CCDC39: variants seen among roughly 807,000 people sequenced by gnomAD.
The protein encoded by CCDC39 is coiled-coil domain-containing protein 39.
CCDC39 carries 113 observed loss-of-function variants against 121.0 expected under a neutral mutation model. The observed-to-expected ratio is 0.93, with a 90% CI of 0.80 to 1.09. The LOEUF (loss-of-function observed/expected upper bound fraction) is 1.09. Among genes scored for constraint, CCDC39 ranks in the 50% least tolerant of loss-of-function variants. The pLI is 0.00. For synonymous variants in CCDC39, 349 were observed against 352.2 expected, an observed-to-expected ratio of 0.99 and a Z score of 0.10; for missense variants, 1,063 against 1,074.7, an observed-to-expected ratio of 0.99 and a Z score of 0.15.
At chr3:180,674,908 G>A (rs189847195) in intron 1 of CCDC39, among the ~76,000 whole-genome samples, 2 of 152,246 alleles carry the variant, frequency 1.3e-5, no homozygotes, top group Admixed American at 1.3e-4. Context: ...TTTTTGCATC[G>A]ATGTTCATCA....
intron 13 of CCDC39, among the ~76,000 whole-genome samples, chr3:180,638,739 GAA>G (rs1314529343): frequency 2.6e-5 from 4 of 152,022 alleles, no homozygotes; most frequent in African/African-American, 9.7e-5. Flanking sequence ...TATTCATAGA[GAA>G]ATGATTAAAG....
chr3:180,673,393 C>T (rs934133303), intron 1 of CCDC39, among the ~76,000 whole-genome samples: 3 of 152,184 alleles, frequency 2.0e-5, no homozygotes, highest in African/African-American at 7.2e-5. Context: ...TCAGCCACCA[C>T]CTTGATCAGT....
Position 180,648,275 on chromosome 3 carries a change from C to T in CCDC39, c.1252G>A (p.Ala418Thr). 1 of 1,613,126 alleles carries T rather than the reference C, an allele frequency of 6.2e-7. No individual in the cohort carries two copies. The highest frequency in any genetic ancestry group is 8.5e-7 in the Non-Finnish European group (1 of 1,179,492). Residue 418 changes from alanine to threonine, a missense_variant, in exon 10 of 20, where the codon GCT becomes ACT. Transcript: ENST00000476379. ...ELQTETMKEK[A>T]VLSEIEGTRS... ...GTTCCTTCAATTTCTGATAAAACAG[C>T]TTTTTCTTTCATTGTCTCAGTCTGT...
rs538986399 is a variant in CCDC39 at position 180,647,278 on chromosome 3, GA to G, written c.1363-36del. On this transcript the variant is annotated intron_variant, in intron 10 of 19. Coordinates refer to ENST00000476379, the MANE Select transcript of CCDC39 (RefSeq NM_181426.2). ...TTTAAAAAAAAAAAGGTATTACAAA[GA>G]AAAAAAAAGCATTTCTACAAGTGTA... The G allele has an allele frequency of 8.5e-5, 122 of 1,437,210 alleles. 1 individual carries two copies. In the East Asian group the frequency reaches 9.4e-4, roughly 11 times the overall value. 89.0% of individuals were successfully genotyped at this position (1,437,210 alleles called of 1,614,324 possible).
At chr3:180,625,716 G>C (rs1717543457) in intron 14 of CCDC39, among the ~76,000 whole-genome samples, 1 of 151,960 alleles carries the variant, frequency 6.6e-6, no homozygotes, top group Non-Finnish European at 1.5e-5. Flanking sequence ...GTGGTAGTGT[G>C]GTCTTTGTAT....
chr3:180,647,134 A>G lies in CCDC39; in HGVS notation c.1472T>C (p.Leu491Ser). ...EAKIVELRKS[L>S]EEKKSTCGLL... ...GCCACATGTAGATTTTTTCTCTTCCAAAGACTTCCTAAGTTCAACAATTTT... is the reference window on the plus strand; with the variant it reads ...GCCACATGTAGATTTTTTCTCTTCCGAAGACTTCCTAAGTTCAACAATTTT... Residue 491 changes from leucine to serine, a missense_variant, in exon 11 of 20, where the codon TTG becomes TCG. Coordinates refer to ENST00000476379, the MANE Select transcript of CCDC39 (RefSeq NM_181426.2). 6.2e-7 allele frequency: 1 copy of G among 1,611,364 alleles called. No individual in the cohort carries two copies. The highest frequency in any genetic ancestry group is 1.1e-5 in the South Asian group (1 of 90,132).
intron 1 of CCDC39, among the ~76,000 whole-genome samples, chr3:180,665,675 A>C (rs939828054): frequency 6.6e-6 from 1 of 151,908 alleles, no homozygotes; most frequent in East Asian, 1.9e-4. Flanking sequence ...TCTTTAAATA[A>C]AATTTTTGCC....
chr3:180,662,808 T>C (rs1711775119), intron 2 of CCDC39, among the ~76,000 whole-genome samples: 1 of 152,198 alleles, frequency 6.6e-6, no homozygotes, highest in Non-Finnish European at 1.5e-5. Context: ...GACTTGTAAG[T>C]CATGAAATAC....
chr3:180,656,219 T>G (rs1243309798), intron 6 of CCDC39, among the ~76,000 whole-genome samples: 1 of 152,246 alleles, frequency 6.6e-6, no homozygotes, highest in Admixed American at 6.5e-5. Context: ...GTTTCTTGCC[T>G]TATGATTTTT....
chr3:180,651,906 G>A (rs778132226), intron 8 of CCDC39, among the ~76,000 whole-genome samples: 15 of 151,928 alleles, frequency 9.9e-5, no homozygotes, highest in South Asian at 2.1e-4. Context: ...GCCTGCTGGC[G>A]GGCACCTGTA....
At chr3:180,617,460 G>T (rs778092571) in intron 16 of CCDC39, 25 of 688,110 alleles carry the variant, frequency 3.6e-5, no homozygotes, top group South Asian at 2.8e-4. Flanking sequence ...AGAGGGCATT[G>T]TTATCATAGA....
rs577913587 is a variant in CCDC39, at chr3:180,659,372, G to T, written c.738+80C>A. 1.3e-4 allele frequency: 204 copies of T among 1,532,388 alleles called. 2 individuals carry two copies. The South Asian group carries it at 2.3e-3, about 17-fold the overall frequency. 94.9% of individuals were successfully genotyped at this position (1,532,388 alleles called of 1,614,324 possible). A position where few individuals can be genotyped will look rare whatever the true frequency, so the allele number is the denominator to read the frequency against. ...AAAAGTGACTTTCAAATAACAATGTGATTTACATTTGGAATAATGAGTTAA... is the reference window on the plus strand; with the variant it reads ...AAAAGTGACTTTCAAATAACAATGTTATTTACATTTGGAATAATGAGTTAA... On this transcript the variant is annotated intron_variant, in intron 6 of 19. Transcript: ENST00000476379.
Position 180,652,270 on chromosome 3 carries a change from T to C in CCDC39, c.931-4A>G, listed in dbSNP as rs1711503044. ...CAGTGGCTTTTAAAGAATCCAGCTA[T>C]TTATTAGTTAACAGACAGAAATTAT... On this transcript the variant is annotated splice_region_variant and splice_polypyrimidine_tract_variant and intron_variant, in intron 7 of 19. Coordinates refer to ENST00000476379, the MANE Select transcript of CCDC39 (RefSeq NM_181426.2). 1 of 1,461,948 alleles carries C rather than the reference T, an allele frequency of 6.8e-7. No homozygotes were observed. Among genetic ancestry groups the C allele is most frequent in the Middle Eastern group, 1.8e-4 (1 of 5,470 alleles). 90.6% of individuals were successfully genotyped at this position (1,461,948 alleles called of 1,614,324 possible).
chr3:180,640,118 T>C (rs887935202), intron 13 of CCDC39, among the ~76,000 whole-genome samples: 1 of 151,858 alleles, frequency 6.6e-6, no homozygotes, highest in African/African-American at 2.4e-5. Flanking sequence ...CTTGTGGGGG[T>C]GATGGATACA....
intron 5 of CCDC39, 27 bp downstream of exon 5, chr3:180,659,650 A>C: frequency 6.2e-7 from 1 of 1,604,086 alleles, no homozygotes; most frequent in Non-Finnish European, 8.5e-7. Context: ...TTGAAAATTA[A>C]GAAATAAAAA....
intron 15 of CCDC39, 81 bp from the exon 16 acceptor site, chr3:180,619,446 A>C: frequency 1.4e-6 from 1 of 739,752 alleles, no homozygotes. Flanking sequence ...AAATTGCACC[A>C]ATATTTTTGT....
At chr3:180,627,640 T>G (rs773277181) in intron 14 of CCDC39, among the ~76,000 whole-genome samples, 23 of 152,222 alleles carry the variant, frequency 1.5e-4, no homozygotes, top group Non-Finnish European at 2.6e-4. Context: ...TAAGAGGAAC[T>G]TGGAAATGAG....
chr3:180,643,955 C>T (rs1718015350), intron 12 of CCDC39, among the ~76,000 whole-genome samples, 165 bp downstream of exon 12: 1 of 152,036 alleles, frequency 6.6e-6, no homozygotes, highest in Non-Finnish European at 1.5e-5. Flanking sequence ...AGCCAAATTT[C>T]TTTACAAGAC....
chr3:180,651,112 T>C (rs901997345), intron 9 of CCDC39, among the ~76,000 whole-genome samples: 1 of 151,980 alleles, frequency 6.6e-6, no homozygotes, highest in Non-Finnish European at 1.5e-5. Flanking sequence ...GGAGAATCGC[T>C]TGAACTTGGG....
Sources: allele counts gnomAD v4.1 joint callset (sites outside exome capture counted in the v4.1 genomes callset), GRCh38; gene constraint gnomAD v4.1.1; transcripts MANE v1.5; gene names NCBI Gene and HGNC (gene_info 2026-07-23, HGNC 2026-07-21).